The following ZNF536 variants were observed in gnomAD, a reference collection of about 807,000 sequenced individuals.
ZNF536 encodes the protein zinc finger protein 536.
In ZNF536, 13 loss-of-function variants were observed where a neutral mutation model predicts 84.5. The observed-to-expected ratio is 0.15, with a 90% CI of 0.10 to 0.24. The LOEUF (loss-of-function observed/expected upper bound fraction) is 0.24. Ranked by LOEUF, ZNF536 falls within the 10% of genes least tolerant of loss-of-function variation. The pLI is 1.00. For missense variants in ZNF536, 1,536 were observed against 1,747.5 expected (o/e 0.88, Z 2.16); for synonymous variants, 811 against 742.5 (o/e 1.09, Z -1.50).
intron 1 of ZNF536, among the ~76,000 whole-genome samples, chr19:30,672,730 C>T (rs183485455): frequency 3.5e-4 from 53 of 152,236 alleles, no homozygotes; most frequent in Non-Finnish European, 6.6e-4. Context: ...CAGAATCATA[C>T]CCTAAGATAA....
chr19:30,683,806 T>C (rs1485392537), intron 1 of ZNF536, among the ~76,000 whole-genome samples: 2 of 152,198 alleles, frequency 1.3e-5, no homozygotes, highest in Non-Finnish European at 2.9e-5. Flanking sequence ...CTCCACTTCA[T>C]CCCATTCTGT....
At chr19:30,390,124 A>G (rs1441904294) in intron 1 of ZNF536, among the ~76,000 whole-genome samples, 1 of 152,234 alleles carries the variant, frequency 6.6e-6, no homozygotes, top group African/African-American at 2.4e-5. Context: ...CTTCCTAAGC[A>G]CTTACTGTTG....
At chr19:30,338,945 T>C (rs2047475291) in intron 2 of ZNF536, among the ~76,000 whole-genome samples, 1 of 152,188 alleles carries the variant, frequency 6.6e-6, no homozygotes, top group Non-Finnish European at 1.5e-5. Flanking sequence ...TGGTGGCATG[T>C]GTGAGAGTGC....
rs2146200612 is a variant in ZNF536, at chr19:30,548,421, G to A, written c.2802G>A (p.Lys934=). 1 of 1,614,206 alleles carries A rather than the reference G, an allele frequency of 6.2e-7. No homozygotes were observed. Among genetic ancestry groups the A allele is most frequent in the Non-Finnish European group, 8.5e-7 (1 of 1,180,050 alleles). ...SFVLSSLKKE[K]DMKDKALADP... is the part of the protein sequence containing the mutation. ...TCCTCAGTTCCTTGAAGAAGGAGAA[G>A]GACATGAAGGACAAAGCCCTGGCTG... Residue 934 remains lysine (K), a synonymous_variant, in exon 4 of 5, where the codon AAG becomes AAA. Transcript: ENST00000355537.
chr19:30,669,696 T>C (rs191530460), intron 1 of ZNF536, among the ~76,000 whole-genome samples: 40 of 152,262 alleles, frequency 2.6e-4, no homozygotes, highest in African/African-American at 9.1e-4. Flanking sequence ...GGGGGCTGCG[T>C]GGGGTAGAGG....
At chr19:30,286,528 GAC>G (rs201091755) in intron 2 of ZNF536, among the ~76,000 whole-genome samples, 6,442 of 138,098 alleles carry the variant, frequency 0.047, 380 homozygotes, top group Admixed American at 0.16. Context: ...CAGAGACAGA[GAC>G]AGAGAGAGAG....
chr19:30,230,870 T>G (rs1304605366), intron 1 of ZNF536, among the ~76,000 whole-genome samples: 1 of 152,170 alleles, frequency 6.6e-6, no homozygotes, highest in African/African-American at 2.4e-5. Flanking sequence ...TGTGGTTGCC[T>G]TTTGCTCAAA....
chr19:30,549,002 G>C lies in ZNF536; in HGVS notation c.3383G>C (p.Ser1128Thr), dbSNP rs893640530. 6.2e-7 allele frequency: 1 copy of C among 1,614,162 alleles called. No individual in the cohort carries two copies. ...GGCATGGTTGGCTCAGGGGCCTCCA[G>C]TTCCTGCCCCAACAAGGAGCCTGAT... ...YPGMVGSGAS[S>T]SCPNKEPDGK... The change falls in exon 4 of 5, where the codon AGT (serine) becomes ACT (threonine). Residue 1128 changes from serine (S) to threonine (T), a missense_variant. Ser to Thr is a moderately conservative substitution (Grantham distance 58). Around this residue, in one of 8 missense-constraint regions of ZNF536, gnomAD observed 624 missense variants for 603.1 expected, o/e 1.03. Coordinates refer to ENST00000355537, the MANE Select transcript of ZNF536 (RefSeq NM_014717.3).
chr19:30,331,685 G>A (rs1388412234), intron 2 of ZNF536, among the ~76,000 whole-genome samples: 1 of 152,156 alleles, frequency 6.6e-6, no homozygotes, highest in African/African-American at 2.4e-5. Context: ...AGGCTTGACA[G>A]TGACCAACAC....
At chr19:30,376,450 G>A (rs1313572349) in intron 1 of ZNF536, among the ~76,000 whole-genome samples, 5 of 152,170 alleles carry the variant, frequency 3.3e-5, no homozygotes, top group African/African-American at 1.2e-4. Flanking sequence ...ATGAGGCTGG[G>A]AACAGCCACC....
At chr19:30,598,958 T>TCC (rs1291309272) in intron 1 of ZNF536, among the ~76,000 whole-genome samples, 4 of 17,218 alleles carry the variant, frequency 2.3e-4, no homozygotes, top group African/African-American at 8.1e-4. Context: ...TCTTCCTTCC[T>TCC]TCCTCCTTCC....
intron 1 of ZNF536, among the ~76,000 whole-genome samples, chr19:30,689,255 T>C (rs890944287): frequency 6.6e-6 from 1 of 152,254 alleles, no homozygotes; most frequent in African/African-American, 2.4e-5. Flanking sequence ...CTGGAATTAT[T>C]TGGAGCTTTA....
intron 1 of ZNF536, among the ~76,000 whole-genome samples, chr19:30,281,861 A>T (rs8105971): frequency 6.6e-6 from 1 of 151,894 alleles, no homozygotes; most frequent in Non-Finnish European, 1.5e-5. Flanking sequence ...AACTGGGCTC[A>T]TGGACAGAGT....
rs913534113 is a variant in ZNF536, at chr19:30,466,631, G to A, written c.2170+20899G>A. 6.3e-5 allele frequency among the ~76,000 whole-genome samples: 9 copies of A among 142,714 alleles called. No individual in the cohort carries two copies. In the South Asian group the frequency reaches 6.8e-4, roughly 11 times the overall value. 93.6% of individuals were successfully genotyped at this position (142,714 alleles called of 152,430 possible). A position where few individuals can be genotyped will look rare whatever the true frequency, so the allele number is the denominator to read the frequency against. ...GAAAAGAGAACTTACCATTTTAACT[G>A]TTTTTTTTTTGTTTTTTGTTTTGAG... is the stretch of plus-strand genomic sequence containing the variant. On this transcript the variant is annotated intron_variant, in intron 2 of 4. Transcript: ENST00000355537.
At chr19:30,686,810 A>C (rs1221993144) in intron 1 of ZNF536, among the ~76,000 whole-genome samples, 1 of 150,962 alleles carries the variant, frequency 6.6e-6, no homozygotes, top group African/African-American at 2.4e-5. Flanking sequence ...CAGTAAATGC[A>C]TCTTTGTGCA....
chr19:30,488,721 C>T (rs961470317), intron 2 of ZNF536, among the ~76,000 whole-genome samples: 10 of 152,178 alleles, frequency 6.6e-5, no homozygotes, highest in East Asian at 5.8e-4. Flanking sequence ...GAATCTGTGC[C>T]GAAGAGAGTT....
intron 2 of ZNF536, among the ~76,000 whole-genome samples, chr19:30,295,630 AG>A (rs1254243639): frequency 2.6e-5 from 4 of 152,138 alleles, no homozygotes; most frequent in Non-Finnish European, 5.9e-5. Flanking sequence ...ACCTCCAGGG[AG>A]TGGGAGCTGG....
chr19:30,611,140 C>T (rs1427686958), intron 1 of ZNF536, among the ~76,000 whole-genome samples: 3 of 152,154 alleles, frequency 2.0e-5, no homozygotes, highest in African/African-American at 7.2e-5. Flanking sequence ...ATTGGGAGTC[C>T]TTCCAAACCC....
At chr19:30,307,944 C>T (rs929787277) in intron 2 of ZNF536, among the ~76,000 whole-genome samples, 1 of 152,128 alleles carries the variant, frequency 6.6e-6, no homozygotes, top group Admixed American at 6.5e-5. Context: ...GGGTGGCTTT[C>T]GATGACTTAA....
Sources: allele counts gnomAD v4.1 joint callset (sites outside exome capture counted in the v4.1 genomes callset), GRCh38; gene constraint gnomAD v4.1.1; regional missense constraint gnomAD v4.1.1; transcripts MANE v1.5; gene names NCBI Gene and HGNC (gene_info 2026-07-23, HGNC 2026-07-21).